The following HDAC9 variants were observed in gnomAD, a reference collection of about 807,000 sequenced individuals.
HDAC9 encodes the protein histone deacetylase 9.
Under a neutral mutation model 139.4 loss-of-function variants are expected in HDAC9, and 41 were observed. The observed-to-expected ratio is 0.29, with a 90% confidence interval of 0.23 to 0.38. The LOEUF (loss-of-function observed/expected upper bound fraction) is 0.38, where lower values mean the gene tolerates loss of function less well. Among genes scored for constraint, HDAC9 ranks in the 10% least tolerant of loss-of-function variants. The pLI, the probability that HDAC9 is intolerant of heterozygous loss-of-function variation, is 1.00. For missense variants in HDAC9, 1,147 were observed against 1,297.0 expected (o/e 0.88, Z 1.78); for synonymous variants, 517 against 476.2 (o/e 1.09, Z -1.12).
chr7:18,668,007 A>AG, intron 12 of HDAC9: 1 of 974,768 alleles, frequency 1.0e-6, no homozygotes, highest in Non-Finnish European at 1.2e-6. Flanking sequence ...TTCAAGGTGT[A>AG]GTATCCTATT....
rs373372667 is a variant in HDAC9 at position 18,591,159 on chromosome 7, A to G, written c.416-357A>G. Among the ~76,000 whole-genome samples the G allele has an allele frequency of 2.6e-5, 4 of 152,200 alleles. No individual in the cohort carries two copies. The East Asian group carries it at 5.8e-4, about 22-fold the overall frequency. On this transcript the variant is annotated intron_variant, in intron 4 of 25. Transcript: ENST00000686413. ...GATTTAATATGGATCTAATCCCTCA[A>G]GATAACTTGATTATTAAAATACAGT...
chr7:18,400,989 G>A (rs960279518), intron 1 of HDAC9, among the ~76,000 whole-genome samples: 3 of 152,102 alleles, frequency 2.0e-5, no homozygotes, highest in Non-Finnish European at 4.4e-5. Context: ...CTTAGTTGTG[G>A]TATAAAAACG....
chr7:18,308,260 C>G (rs1483506193), intron 1 of HDAC9, among the ~76,000 whole-genome samples: 1 of 152,134 alleles, frequency 6.6e-6, no homozygotes, highest in Non-Finnish European at 1.5e-5. Flanking sequence ...TTTGCAAAAC[C>G]AAGCCTACGT....
At chr7:18,553,605 A>G (rs763359792) in intron 2 of HDAC9, among the ~76,000 whole-genome samples, 3 of 152,182 alleles carry the variant, frequency 2.0e-5, no homozygotes, top group African/African-American at 4.8e-5. Flanking sequence ...CCGGGTAACT[A>G]TTGGTAGGGG....
chr7:18,932,477 A>G (rs1266775083), intron 22 of HDAC9, among the ~76,000 whole-genome samples: 1 of 152,182 alleles, frequency 6.6e-6, no homozygotes, highest in Non-Finnish European at 1.5e-5. Flanking sequence ...GAAAAAGGAG[A>G]GTAAATCCTG....
chr7:18,172,064 C>T (rs951261441), intron 2 of HDAC9, among the ~76,000 whole-genome samples: 6 of 152,116 alleles, frequency 3.9e-5, no homozygotes, highest in African/African-American at 7.2e-5. Context: ...GCTGTGAATT[C>T]GTCTGGTTCT....
intron 1 of HDAC9, among the ~76,000 whole-genome samples, chr7:18,472,453 G>T (rs1794798196): frequency 6.6e-6 from 1 of 152,110 alleles, no homozygotes; most frequent in Non-Finnish European, 1.5e-5. Context: ...CTCAGTCTTT[G>T]TTCCTTTATT....
rs1461686725 is a variant in HDAC9, at chr7:18,548,142, G to A, written c.23-37139G>A. On this transcript the variant is annotated intron_variant, in intron 2 of 25. Coordinates refer to ENST00000686413, the MANE Select transcript of HDAC9 (RefSeq NM_178425.4). The stretch of plus-strand genomic sequence containing the variant: ...CAATATTCTTGTGTCTCTGTGAATA[G>A]GGAGACCTGAGGAGAGGCAGAGAGT... Among the ~76,000 whole-genome samples the A allele has an allele frequency of 2.0e-5, 3 of 152,018 alleles. No individual in the cohort carries two copies. In the East Asian group the frequency reaches 5.8e-4, roughly 29 times the overall value.
At chr7:18,316,393 A>G (rs1799637678) in intron 1 of HDAC9, among the ~76,000 whole-genome samples, 1 of 152,178 alleles carries the variant, frequency 6.6e-6, no homozygotes, top group South Asian at 2.1e-4. Context: ...ATTGAGAAAT[A>G]TGGCATTTAG....
chr7:18,123,660 A>G (rs1485997570), intron 1 of HDAC9, among the ~76,000 whole-genome samples: 5 of 152,112 alleles, frequency 3.3e-5, no homozygotes, highest in South Asian at 2.1e-4. Context: ...CCTAAGATGT[A>G]TCTTTGGTTC....
chr7:18,271,592 G>A (rs932240649), intron 2 of HDAC9, among the ~76,000 whole-genome samples: 1 of 152,110 alleles, frequency 6.6e-6, no homozygotes, highest in Non-Finnish European at 1.5e-5. Context: ...TCCATTTCAT[G>A]CATCCCTCAG....
At chr7:18,140,562 A>G (rs974100621) in intron 1 of HDAC9, among the ~76,000 whole-genome samples, 14 of 152,190 alleles carry the variant, frequency 9.2e-5, no homozygotes, top group Non-Finnish European at 1.8e-4. Context: ...GTTATACATT[A>G]TGCTTAGGCT....
chr7:18,699,918 T>G (rs1783335265), intron 12 of HDAC9, among the ~76,000 whole-genome samples: 1 of 152,200 alleles, frequency 6.6e-6, no homozygotes, highest in Admixed American at 6.5e-5. Flanking sequence ...ATTTGATTCA[T>G]ATCAGATGTA....
rs139005106 is a variant in HDAC9, at chr7:18,714,865, A to G, written c.1732-12715A>G. ...TCCACCATTGTATCTTCTAATTTCT[A>G]CTATGATTCCTAACACCTAGTAAGC... On this transcript the variant is annotated intron_variant, in intron 12 of 25. Transcript: ENST00000686413. Among the ~76,000 whole-genome samples, 517 of 152,334 alleles carry G rather than the reference A, an allele frequency of 3.4e-3. 2 individuals are homozygous for G. Among genetic ancestry groups the G allele is most frequent in the Middle Eastern group, 0.02 (6 of 294 alleles).
chr7:18,857,773 T>C (rs1008639211), intron 21 of HDAC9, among the ~76,000 whole-genome samples: 3 of 152,006 alleles, frequency 2.0e-5, no homozygotes, highest in Non-Finnish European at 4.4e-5. Context: ...CAGGAATAAA[T>C]TAATAAATGA....
At chr7:18,724,338 T>C (rs1175563971) in intron 12 of HDAC9, among the ~76,000 whole-genome samples, 1 of 152,184 alleles carries the variant, frequency 6.6e-6, no homozygotes, top group East Asian at 1.9e-4. Context: ...TTTCCTAGCC[T>C]ACAAACCTGT....
At chr7:18,839,908 G>C (rs901024334) in intron 21 of HDAC9, among the ~76,000 whole-genome samples, 1 of 152,056 alleles carries the variant, frequency 6.6e-6, no homozygotes, top group African/African-American at 2.4e-5. Flanking sequence ...GACCATTTAA[G>C]TGGTTTGTTT....
At chr7:18,259,416 G>C (rs1170128361) in intron 2 of HDAC9, among the ~76,000 whole-genome samples, 1 of 152,170 alleles carries the variant, frequency 6.6e-6, no homozygotes, top group Non-Finnish European at 1.5e-5. Flanking sequence ...AGGCTAGAGT[G>C]CAGTGGTGCA....
rs187067192 is a variant in HDAC9, at chr7:18,935,240, T to C, written c.2804-569T>C. On this transcript the variant is annotated intron_variant, in intron 22 of 25. Coordinates refer to ENST00000686413, the MANE Select transcript of HDAC9 (RefSeq NM_178425.4). ...AAAGCAGATATTTGTCATATTATTG[T>C]ATTTTATAACTCGTATAGATGTTAT... 3.6e-3 allele frequency among the ~76,000 whole-genome samples: 555 copies of C among 152,272 alleles called. 1 individual carries two copies. Among genetic ancestry groups the C allele is most frequent in the African/African-American group, 0.013 (534 of 41,564 alleles).
Sources: allele counts gnomAD v4.1 joint callset (sites outside exome capture counted in the v4.1 genomes callset), GRCh38; gene constraint gnomAD v4.1.1; transcripts MANE v1.5; gene names NCBI Gene and HGNC (gene_info 2026-07-23, HGNC 2026-07-21).